The following HS6ST2 variants were observed in gnomAD, a reference collection of about 807,000 sequenced individuals.
HS6ST2 encodes heparan-sulfate 6-O-sulfotransferase 2.
Under a neutral mutation model 33.0 loss-of-function variants are expected in HS6ST2, and 17 were observed. That is an observed-to-expected ratio of 0.52 (90% CI 0.35 to 0.77). The LOEUF (loss-of-function observed/expected upper bound fraction) is 0.77, where lower values mean the gene tolerates loss of function less well. HS6ST2 is among the 30% of genes least tolerant of loss of function. The probability of loss-of-function intolerance (pLI) is 0.01; values close to 1 mark genes in which losing one functional copy is unlikely to be tolerated. For missense variants in HS6ST2, 519 were observed against 551.7 expected, an observed-to-expected ratio of 0.94 and a Z score of 0.59; for synonymous variants, 248 against 237.1, an observed-to-expected ratio of 1.05 and a Z score of -0.42.
chrX:132,868,666 G>A (rs1043877886), intron 2 of HS6ST2, among the ~76,000 whole-genome samples: 1 of 111,879 alleles, frequency 8.9e-6, no homozygotes, highest in African/African-American at 3.2e-5. Context: ...TAAACAACCT[G>A]CTCCTGAATG....
At chrX:132,738,365 C>T (rs147247104) in intron 2 of HS6ST2, among the ~76,000 whole-genome samples, 1,385 of 112,204 alleles carry the variant, frequency 0.012, 25 homozygotes, top group African/African-American at 0.043. Flanking sequence ...TTGACAAATC[C>T]GAGTGGGTCT....
At chrX:132,854,227 C>T (rs887661238) in intron 2 of HS6ST2, among the ~76,000 whole-genome samples, 6 of 112,425 alleles carry the variant, frequency 5.3e-5, no homozygotes, top group Non-Finnish European at 9.4e-5. Context: ...GATCCTACAA[C>T]ATCCATCTTT....
At chrX:132,937,222 A>G (rs1262557954) in intron 2 of HS6ST2, among the ~76,000 whole-genome samples, 1 of 112,315 alleles carries the variant, frequency 8.9e-6, no homozygotes, top group African/African-American at 3.2e-5. Flanking sequence ...AAGACATCAC[A>G]TGCTCATAGA....
chrX:132,874,925 T>C (rs1411816042), intron 2 of HS6ST2, among the ~76,000 whole-genome samples: 2 of 111,519 alleles, frequency 1.8e-5, no homozygotes, highest in Non-Finnish European at 3.8e-5. Flanking sequence ...GGGCGGCCCA[T>C]GGCAGAAAAT....
chrX:132,779,215 T>C (rs1268995802), intron 2 of HS6ST2, among the ~76,000 whole-genome samples: 1 of 111,853 alleles, frequency 8.9e-6, no homozygotes, highest in East Asian at 2.8e-4. Context: ...CAAGACTCCA[T>C]CTTTTAAAAC....
intron 2 of HS6ST2, among the ~76,000 whole-genome samples, chrX:132,725,512 C>G (rs2064383471): frequency 8.9e-6 from 1 of 111,990 alleles, no homozygotes; most frequent in Admixed American, 9.4e-5. Flanking sequence ...CAGGCAATAA[C>G]AAATGCTGGC....
At chrX:132,839,237 T>C (rs2065678876) in intron 2 of HS6ST2, among the ~76,000 whole-genome samples, 1 of 98,144 alleles carries the variant, frequency 1.0e-5, no homozygotes, top group Admixed American at 1.2e-4. Context: ...TAAGTGCCCA[T>C]CAACGGATGA....
intron 2 of HS6ST2, among the ~76,000 whole-genome samples, chrX:132,731,863 A>G (rs2064460737): frequency 9.1e-6 from 1 of 110,393 alleles, no homozygotes; most frequent in African/African-American, 3.3e-5. Context: ...AAAGGAAAAA[A>G]AAAAGGAAAT....
chrX:132,933,232 G>A (rs943341260), intron 2 of HS6ST2, among the ~76,000 whole-genome samples: 8 of 110,140 alleles, frequency 7.3e-5, no homozygotes, highest in South Asian at 4.0e-4. Context: ...GGAGGCTGAG[G>A]TGGGAGAACT....
Position 132,831,974 on chromosome X carries a change from G to T in HS6ST2, c.948-123480C>A, listed in dbSNP as rs376312169. Among the ~76,000 whole-genome samples the T allele has an allele frequency of 2.7e-4, 30 of 111,967 alleles. No homozygotes were observed. The East Asian group carries it at 8.1e-3, about 30-fold the overall frequency. ...GAAATAGCTGCAGAACAACCAAAAG[G>T]TTTATGCTACAGGTAGGCCAAAGAA... On this transcript the variant is annotated intron_variant, in intron 2 of 4. Transcript: ENST00000370833.
At chrX:132,822,119 G>C (rs1260496550) in intron 2 of HS6ST2, among the ~76,000 whole-genome samples, 1 of 111,958 alleles carries the variant, frequency 8.9e-6, no homozygotes, top group Admixed American at 9.5e-5. Flanking sequence ...TAACAGGTGA[G>C]GGTACTGAGC....
intron 2 of HS6ST2, among the ~76,000 whole-genome samples, chrX:132,714,338 G>A (rs1172231545): frequency 2.7e-5 from 3 of 109,711 alleles, no homozygotes; most frequent in Non-Finnish European, 3.8e-5. Context: ...TTTTTTTAGA[G>A]GGAGTCTCCC....
chrX:132,700,469 C>G (rs1436633562), intron 3 of HS6ST2, among the ~76,000 whole-genome samples: 1 of 109,710 alleles, frequency 9.1e-6, no homozygotes, highest in Non-Finnish European at 1.9e-5. Context: ...GAAAGAGGAA[C>G]AGAAATAATC....
chrX:132,928,569 G>A (rs1354601393), intron 2 of HS6ST2, among the ~76,000 whole-genome samples: 1 of 111,052 alleles, frequency 9.0e-6, no homozygotes, highest in Non-Finnish European at 1.9e-5. Flanking sequence ...TTCAACATGA[G>A]ATTTGGGCAG....
chrX:132,671,148 C>A (rs930226361), intron 3 of HS6ST2, among the ~76,000 whole-genome samples: 1 of 112,658 alleles, frequency 8.9e-6, no homozygotes, highest in Non-Finnish European at 1.9e-5. Flanking sequence ...AGGGACCATC[C>A]TGGCTATCCT....
chrX:132,884,874 C>T (rs1436107322), intron 2 of HS6ST2, among the ~76,000 whole-genome samples: 1 of 111,209 alleles, frequency 9.0e-6, no homozygotes, highest in Non-Finnish European at 1.9e-5. Context: ...CAAGGTCCTG[C>T]AAGTGGTGAT....
At chrX:132,672,134 T>C (rs777470093) in intron 3 of HS6ST2, among the ~76,000 whole-genome samples, 8 of 111,400 alleles carry the variant, frequency 7.2e-5, no homozygotes, top group Non-Finnish European at 1.3e-4. Context: ...GAGAAAATAC[T>C]GCAGCTGCAG....
At chrX:132,883,260 G>C (rs1807115794) in intron 2 of HS6ST2, among the ~76,000 whole-genome samples, 1 of 110,863 alleles carries the variant, frequency 9.0e-6, no homozygotes, top group Admixed American at 9.6e-5. Context: ...TCTGGTCCTG[G>C]ACTTTTTTTG....
intron 2 of HS6ST2, among the ~76,000 whole-genome samples, chrX:132,726,189 G>A (rs1286747095): frequency 9.0e-6 from 1 of 111,334 alleles, no homozygotes. Context: ...TAACACAAAG[G>A]ATAAATACTT....
Sources: allele counts gnomAD v4.1 joint callset (sites outside exome capture counted in the v4.1 genomes callset), GRCh38; gene constraint gnomAD v4.1.1; transcripts MANE v1.5; gene names NCBI Gene and HGNC (gene_info 2026-07-23, HGNC 2026-07-21).